TMEM108: variants seen among roughly 807,000 people sequenced by gnomAD.
TMEM108 encodes the protein transmembrane protein 108.
TMEM108 carries 12 observed loss-of-function variants against 35.1 expected under a neutral mutation model. The ratio of observed to expected loss-of-function variants is 0.34; its 90% confidence interval spans 0.22 to 0.55. TMEM108 has a LOEUF of 0.55. Ranked by LOEUF, TMEM108 falls within the 20% of genes least tolerant of loss-of-function variation. The pLI, the probability that TMEM108 is intolerant of heterozygous loss-of-function variation, is 0.89. For missense variants in TMEM108, 680 were observed against 753.3 expected (o/e 0.90, Z 1.14); for synonymous variants, 287 against 308.6 (o/e 0.93, Z 0.73).
At chr3:133,368,730 A>C (rs116475118) in intron 3 of TMEM108, among the ~76,000 whole-genome samples, 1 of 152,152 alleles carries the variant, frequency 6.6e-6, no homozygotes, top group Non-Finnish European at 1.5e-5. Context: ...AACATCTATG[A>C]TTTTGTGGTA....
intron 3 of TMEM108, among the ~76,000 whole-genome samples, chr3:133,326,541 A>T (rs1164415726): frequency 2.6e-5 from 4 of 152,184 alleles, no homozygotes; most frequent in Non-Finnish European, 4.4e-5. Flanking sequence ...AATAGTATAA[A>T]CAAGGATTCT....
Position 133,275,812 on chromosome 3 carries a change from GA to G in TMEM108, c.40+46470del, listed in dbSNP as rs796642793. ...GGTATTGCTGCCAAGTGAGTAACAGGAAAAAAAAACTTTCATTTTTCAGAGG... is the reference window on the plus strand; with the variant it reads ...GGTATTGCTGCCAAGTGAGTAACAGGAAAAAAAACTTTCATTTTTCAGAGG... On this transcript the variant is annotated intron_variant, in intron 3 of 5. Coordinates refer to ENST00000321871, the MANE Select transcript of TMEM108 (RefSeq NM_023943.4). 1.1e-3 allele frequency among the ~76,000 whole-genome samples: 170 copies of G among 151,232 alleles called. 7 individuals are homozygous for G. Among genetic ancestry groups the G allele is most frequent in the African/African-American group, 1.5e-3 (60 of 41,262 alleles).
At chr3:133,328,924 CT>C (rs1553761589) in intron 3 of TMEM108, among the ~76,000 whole-genome samples, 1 of 152,142 alleles carries the variant, frequency 6.6e-6, no homozygotes, top group Non-Finnish European at 1.5e-5. Flanking sequence ...TCACTGCTCT[CT>C]TTTCAGTCTC....
intron 3 of TMEM108, among the ~76,000 whole-genome samples, chr3:133,239,995 C>T (rs1189413938): frequency 6.6e-6 from 1 of 152,126 alleles, no homozygotes; most frequent in Non-Finnish European, 1.5e-5. Flanking sequence ...GAGAAGGGCA[C>T]AAGGAATGGG....
chr3:133,219,156 C>T (rs932400295), intron 2 of TMEM108, among the ~76,000 whole-genome samples: 3 of 151,964 alleles, frequency 2.0e-5, no homozygotes, highest in Non-Finnish European at 2.9e-5. Flanking sequence ...CTAGATTATT[C>T]AATTTGTTGG....
chr3:133,067,423 C>G (rs1943623331), intron 2 of TMEM108, among the ~76,000 whole-genome samples: 1 of 152,184 alleles, frequency 6.6e-6, no homozygotes, highest in Non-Finnish European at 1.5e-5. Flanking sequence ...ACCAGACCTT[C>G]CTTCACAACT....
rs1303547542 is a variant in TMEM108, at chr3:133,116,387, A to T, written c.-47+70367A>T. 3.9e-5 allele frequency among the ~76,000 whole-genome samples: 6 copies of T among 152,002 alleles called. No homozygotes were observed. In the East Asian group the frequency reaches 1.2e-3, roughly 29 times the overall value. The stretch of plus-strand genomic sequence containing the variant: ...GATCCTGTTTAGATATGTTATAACA[A>T]CTTAGTATGAGTTTATTTTGGTGCA... On this transcript the variant is annotated intron_variant, in intron 2 of 5. Coordinates refer to ENST00000321871, the MANE Select transcript of TMEM108 (RefSeq NM_023943.4).
intron 2 of TMEM108, among the ~76,000 whole-genome samples, chr3:133,091,530 C>T (rs1294520774): frequency 6.6e-6 from 1 of 152,166 alleles, no homozygotes; most frequent in Non-Finnish European, 1.5e-5. Context: ...CTAAGGAAAC[C>T]ATGTGATGGG....
chr3:133,320,204 T>A (rs2071249414), intron 3 of TMEM108, among the ~76,000 whole-genome samples: 1 of 152,054 alleles, frequency 6.6e-6, no homozygotes, highest in Non-Finnish European at 1.5e-5. Context: ...GATAAAGAGT[T>A]CAGAAGGTTG....
chr3:133,108,114 C>T (rs1944178948), intron 2 of TMEM108, among the ~76,000 whole-genome samples: 1 of 152,014 alleles, frequency 6.6e-6, no homozygotes, highest in Non-Finnish European at 1.5e-5. Context: ...GCCTGTAATC[C>T]CAGCTACTCA....
At chr3:133,238,363 C>T (rs540782328) in intron 3 of TMEM108, among the ~76,000 whole-genome samples, 1 of 152,228 alleles carries the variant, frequency 6.6e-6, no homozygotes, top group East Asian at 1.9e-4. Flanking sequence ...CATATTTCGT[C>T]AAATCTAAGA....
At chr3:133,309,737 G>A (rs1164299051) in intron 3 of TMEM108, among the ~76,000 whole-genome samples, 2 of 110,364 alleles carry the variant, frequency 1.8e-5, no homozygotes, top group African/African-American at 6.9e-5. Context: ...GTCTCGCTCT[G>A]TCGCCCAGGC....
At chr3:133,084,253 T>C (rs1017943444) in intron 2 of TMEM108, among the ~76,000 whole-genome samples, 7 of 152,224 alleles carry the variant, frequency 4.6e-5, no homozygotes, top group African/African-American at 1.7e-4. Flanking sequence ...CCTATCTGAA[T>C]CATGAATGTT....
chr3:133,073,173 A>G (rs890654672), intron 2 of TMEM108, among the ~76,000 whole-genome samples: 1 of 152,092 alleles, frequency 6.6e-6, no homozygotes, highest in Non-Finnish European at 1.5e-5. Context: ...AGTATACAGT[A>G]CATTGTTGTT....
chr3:133,126,438 G>A (rs917181304), intron 2 of TMEM108, among the ~76,000 whole-genome samples: 1 of 151,132 alleles, frequency 6.6e-6, no homozygotes, highest in Non-Finnish European at 1.5e-5. Context: ...CTGCACTCCA[G>A]CCTGGGCAAC....
chr3:133,116,804 T>C (rs1300970336), intron 2 of TMEM108, among the ~76,000 whole-genome samples: 2 of 152,240 alleles, frequency 1.3e-5, no homozygotes, highest in African/African-American at 2.4e-5. Flanking sequence ...AGACAGAGTC[T>C]AGCTCTTGTC....
At chr3:133,181,025 A>AAAAAAAAAAAC (rs1945333410) in intron 2 of TMEM108, among the ~76,000 whole-genome samples, 1 of 145,204 alleles carries the variant, frequency 6.9e-6, no homozygotes, top group Non-Finnish European at 1.5e-5. Flanking sequence ...AAAAAAAAAA[A>AAAAAAAAAAAC]AAAAAAAAAA....
At chr3:133,290,092 A>G (rs1051580933) in intron 3 of TMEM108, among the ~76,000 whole-genome samples, 10 of 152,034 alleles carry the variant, frequency 6.6e-5, no homozygotes, top group Admixed American at 4.6e-4. Context: ...AACAGTAAGC[A>G]TGCATCCTAT....
At chr3:133,386,311 A>G (rs1388445723) in intron 4 of TMEM108, 17 of 1,232,282 alleles carry the variant, frequency 1.4e-5, no homozygotes, top group Non-Finnish European at 1.9e-5. Context: ...TATTGTTTTT[A>G]AGATTTGCAA....
Sources: gnomAD v4.1 joint callset for allele counts (sites outside exome capture counted in the v4.1 genomes callset) on GRCh38, gnomAD v4.1.1 for gene constraint, MANE v1.5 for transcripts, NCBI Gene and HGNC (gene_info 2026-07-23, HGNC 2026-07-21) for gene names.